The following HEMK2 variants were observed in gnomAD, a reference collection of about 807,000 sequenced individuals.
HEMK2 encodes HemK methyltransferase 2, ETF1 glutamine and histone H4 lysine.
the HEMK2 span, among the ~76,000 whole-genome samples, chr21:28,824,570 AG>A: frequency 6.6e-6 from 1 of 152,218 alleles, no homozygotes. Context: ...ATAAAGCAAA[AG>A]ATTAGTACTC....
At chr21:28,741,635 G>T in the HEMK2 span, among the ~76,000 whole-genome samples, 1 of 152,104 alleles carries the variant, frequency 6.6e-6, no homozygotes, top group Non-Finnish European at 1.5e-5. Context: ...CCACTTATAA[G>T]TGAGAACATG....
At chr21:28,678,731 G>A in the HEMK2 span, among the ~76,000 whole-genome samples, 5 of 152,184 alleles carry the variant, frequency 3.3e-5, no homozygotes, top group Non-Finnish European at 5.9e-5. Context: ...GAGAGTGGGG[G>A]CCAATGTCCA....
chr21:28,603,097 A>T, the HEMK2 span, among the ~76,000 whole-genome samples: 1 of 152,110 alleles, frequency 6.6e-6, no homozygotes, highest in African/African-American at 2.4e-5. Context: ...TCCAGTGGGG[A>T]CACACTGAGG....
At chr21:28,737,271 T>A in the HEMK2 span, among the ~76,000 whole-genome samples, 1 of 152,112 alleles carries the variant, frequency 6.6e-6, no homozygotes, top group South Asian at 2.1e-4. Flanking sequence ...ACTACAAGTG[T>A]GAACCACCCC....
At chr21:28,877,304 GAGAGAA>G in the HEMK2 span, among the ~76,000 whole-genome samples, 1 of 135,644 alleles carries the variant, frequency 7.4e-6, no homozygotes, top group Non-Finnish European at 1.6e-5. Flanking sequence ...AAGGAAGAGA[GAGAGAA>G]AGAGAGAAAG....
the HEMK2 span, among the ~76,000 whole-genome samples, chr21:28,838,264 G>A: frequency 6.6e-6 from 1 of 152,174 alleles, no homozygotes; most frequent in African/African-American, 2.4e-5. Context: ...GACGGGTGCG[G>A]TGGCTCACAC....
the HEMK2 span, among the ~76,000 whole-genome samples, chr21:28,806,327 T>C: frequency 6.6e-6 from 1 of 152,184 alleles, no homozygotes. Context: ...TCATGTAAAA[T>C]GTCATATGCC....
At chr21:28,601,646 T>TCTCTCTCTCTC in the HEMK2 span, among the ~76,000 whole-genome samples, 1 of 84,138 alleles carries the variant, frequency 1.2e-5, no homozygotes, top group African/African-American at 4.5e-5. Context: ...CTCTCTCTCT[T>TCTCTCTCTCTC]TCTGTAATTT....
chr21:28,783,068 T>G, the HEMK2 span, among the ~76,000 whole-genome samples: 1 of 152,230 alleles, frequency 6.6e-6, no homozygotes, highest in Non-Finnish European at 1.5e-5. Flanking sequence ...ATTTTGGATT[T>G]TGGATTTTTT....
the HEMK2 span, among the ~76,000 whole-genome samples, chr21:28,588,432 A>T: frequency 8.5e-5 from 13 of 152,172 alleles, no homozygotes; most frequent in Non-Finnish European, 1.5e-5. Flanking sequence ...AGGACAGCTA[A>T]GGGCTGAAAA....
At chr21:28,658,927 A>G in the HEMK2 span, among the ~76,000 whole-genome samples, 63 of 152,240 alleles carry the variant, frequency 4.1e-4, 1 homozygote, top group Admixed American at 4.0e-3. Flanking sequence ...TATATTAGCT[A>G]AAGTTCCAAA....
the HEMK2 span, among the ~76,000 whole-genome samples, chr21:28,706,776 C>T: frequency 1.2e-4 from 13 of 109,026 alleles, no homozygotes; most frequent in African/African-American, 7.1e-4. Flanking sequence ...CAGATACTCA[C>T]TCTGAACCAC....
At chr21:28,761,818 A>T in the HEMK2 span, among the ~76,000 whole-genome samples, 1 of 152,094 alleles carries the variant, frequency 6.6e-6, no homozygotes, top group African/African-American at 2.4e-5. Flanking sequence ...GATGAAAAGC[A>T]GCAGGATCTT....
At chr21:28,642,743 G>A in the HEMK2 span, among the ~76,000 whole-genome samples, 9 of 152,320 alleles carry the variant, frequency 5.9e-5, no homozygotes, top group East Asian at 7.7e-4. Context: ...CTCTGAAGCC[G>A]CACCATCCAA....
chr21:28,770,655 T>C, the HEMK2 span, among the ~76,000 whole-genome samples: 2 of 150,990 alleles, frequency 1.3e-5, no homozygotes, highest in African/African-American at 2.4e-5. Flanking sequence ...GTGGGCTTGT[T>C]ATAAAAGCAA....
chr21:28,616,581 C>A, the HEMK2 span, among the ~76,000 whole-genome samples: 2 of 152,058 alleles, frequency 1.3e-5, no homozygotes, highest in African/African-American at 4.8e-5. Flanking sequence ...TGAAAAATTC[C>A]TGTGCTGAAA....
At chr21:28,780,590 C>T in the HEMK2 span, among the ~76,000 whole-genome samples, 9 of 152,202 alleles carry the variant, frequency 5.9e-5, no homozygotes, top group African/African-American at 1.4e-4. Context: ...GGATTACAGG[C>T]GTGAGCCACC....
At chr21:28,645,655 A>G in the HEMK2 span, among the ~76,000 whole-genome samples, 1 of 152,138 alleles carries the variant, frequency 6.6e-6, no homozygotes, top group Non-Finnish European at 1.5e-5. Context: ...TCACCAATGC[A>G]ATGATATTAG....
the HEMK2 span, chr21:28,882,026 C>T: frequency 7.4e-6 from 4 of 537,746 alleles, no homozygotes; most frequent in Non-Finnish European, 9.2e-6. Flanking sequence ...TGGATTACAT[C>T]AACAAAGAAT....
Sources: gnomAD v4.1 joint callset for allele counts (sites outside exome capture counted in the v4.1 genomes callset) on GRCh38, gnomAD v4.1.1 for gene constraint, MANE v1.5 for transcripts, NCBI Gene and HGNC (gene_info 2026-07-23, HGNC 2026-07-21) for gene names.